PIBF1: variants seen among roughly 807,000 people sequenced by gnomAD.
PIBF1 encodes the protein progesterone immunomodulatory binding factor 1, also known as progesterone-induced-blocking factor 1.
In PIBF1, 90 loss-of-function variants were observed where a neutral mutation model predicts 112.5. The ratio of observed to expected loss-of-function variants is 0.80; its 90% CI spans 0.67 to 0.95. The LOEUF (loss-of-function observed/expected upper bound fraction) is 0.95, where lower values mean the gene tolerates loss of function less well. Ranked by LOEUF, PIBF1 falls within the 40% of genes least tolerant of loss-of-function variation. The pLI is 0.00. For synonymous variants in PIBF1, 301 were observed against 288.6 expected (o/e 1.04, Z -0.44); for missense variants, 915 against 852.3 (o/e 1.07, Z -0.92).
At chr13:72,858,659 C>T (rs1193267265) in intron 10 of PIBF1, among the ~76,000 whole-genome samples, 2 of 152,050 alleles carry the variant, frequency 1.3e-5, no homozygotes, top group Non-Finnish European at 2.9e-5. Flanking sequence ...TAAATATGTA[C>T]CCTCTTTTGT....
At chr13:72,857,433 AAAC>A (rs1659873457) in intron 10 of PIBF1, among the ~76,000 whole-genome samples, 1 of 152,274 alleles carries the variant, frequency 6.6e-6, no homozygotes, top group African/African-American at 2.4e-5. Context: ...GAAAGTCAAA[AAAC>A]AAATGCAAAT....
At chr13:72,844,530 C>G (rs2037746396) in intron 9 of PIBF1, among the ~76,000 whole-genome samples, 1 of 151,884 alleles carries the variant, frequency 6.6e-6, no homozygotes, top group South Asian at 2.1e-4. Flanking sequence ...ATGTTTCCCT[C>G]CCTGTTTCCA....
chr13:72,819,557 A>G (rs1171056389), intron 5 of PIBF1, among the ~76,000 whole-genome samples: 1 of 152,112 alleles, frequency 6.6e-6, no homozygotes. Context: ...TTTGGATTTG[A>G]CAAACTTAGA....
intron 14 of PIBF1, among the ~76,000 whole-genome samples, chr13:72,932,847 A>C (rs1434123086): frequency 6.6e-6 from 1 of 152,234 alleles, no homozygotes; most frequent in Non-Finnish European, 1.5e-5. Flanking sequence ...TAGCCAGCCC[A>C]CAAAATTCCT....
intron 10 of PIBF1, among the ~76,000 whole-genome samples, chr13:72,892,482 G>C (rs1476514238): frequency 2.0e-5 from 3 of 151,994 alleles, no homozygotes; most frequent in Non-Finnish European, 2.9e-5. Flanking sequence ...GCATTTTAAA[G>C]TTTATCTTAC....
intron 13 of PIBF1, among the ~76,000 whole-genome samples, chr13:72,925,793 C>T (rs2138734505): frequency 6.6e-6 from 1 of 152,180 alleles, no homozygotes; most frequent in Admixed American, 6.5e-5. Flanking sequence ...CTGCCCACCT[C>T]AGCCTCCCAA....
chr13:72,957,406 C>A (rs1022996209), intron 14 of PIBF1, among the ~76,000 whole-genome samples: 17 of 152,120 alleles, frequency 1.1e-4, no homozygotes, highest in African/African-American at 4.1e-4. Context: ...AGTGAAGTAA[C>A]TCAGGAATGG....
At chr13:73,010,201 G>C (rs2044150415) in intron 17 of PIBF1, among the ~76,000 whole-genome samples, 1 of 149,436 alleles carries the variant, frequency 6.7e-6, no homozygotes, top group Non-Finnish European at 1.5e-5. Context: ...CCCCCACTAT[G>C]GCCAATACTC....
chr13:72,982,334 G>A (rs951501192), intron 16 of PIBF1, among the ~76,000 whole-genome samples: 3 of 152,144 alleles, frequency 2.0e-5, no homozygotes, highest in African/African-American at 7.2e-5. Flanking sequence ...TTCTCAGGAA[G>A]CTGAGGTGAG....
chr13:72,882,877 T>G (rs2039698737), intron 10 of PIBF1, among the ~76,000 whole-genome samples: 1 of 152,234 alleles, frequency 6.6e-6, no homozygotes, highest in Non-Finnish European at 1.5e-5. Context: ...GAGAACAGTT[T>G]GGAGGTTCCT....
chr13:72,942,278 A>AC (rs1455576871), intron 14 of PIBF1, among the ~76,000 whole-genome samples: 10 of 151,994 alleles, frequency 6.6e-5, no homozygotes, highest in Admixed American at 5.2e-4. Flanking sequence ...AAAAAAAAAA[A>AC]AAAAACCCAC....
At chr13:72,790,447 A>ACACG in intron 2 of PIBF1, among the ~76,000 whole-genome samples, 1 of 151,350 alleles carries the variant, frequency 6.6e-6, no homozygotes, top group East Asian at 1.9e-4. Context: ...ACACACACAC[A>ACACG]CACACACACA....
At chr13:72,880,658 A>G (rs964260569) in intron 10 of PIBF1, among the ~76,000 whole-genome samples, 1 of 152,232 alleles carries the variant, frequency 6.6e-6, no homozygotes, top group Admixed American at 6.5e-5. Context: ...GTGAATATTT[A>G]ACCCTCTGAA....
chr13:72,849,471 A>G (rs2038031167), intron 9 of PIBF1, among the ~76,000 whole-genome samples: 1 of 152,218 alleles, frequency 6.6e-6, no homozygotes, highest in Non-Finnish European at 1.5e-5. Context: ...AATGCATTTA[A>G]CATTTGAAAT....
chr13:72,912,532 TGG>T (rs1029373619), intron 12 of PIBF1, among the ~76,000 whole-genome samples: 16 of 152,212 alleles, frequency 1.1e-4, no homozygotes, highest in Admixed American at 1.3e-4. Flanking sequence ...TACCAAATGT[TGG>T]TGAGAAGTGG....
chr13:72,956,495 C>T (rs1434737093), intron 14 of PIBF1, among the ~76,000 whole-genome samples: 2 of 152,188 alleles, frequency 1.3e-5, no homozygotes, highest in Non-Finnish European at 2.9e-5. Context: ...ACACTCTCCT[C>T]AGTGGTCATT....
chr13:72,875,238 C>T (rs1465526815), intron 10 of PIBF1, among the ~76,000 whole-genome samples: 1 of 152,124 alleles, frequency 6.6e-6, no homozygotes, highest in South Asian at 2.1e-4. Context: ...GACTTCATAG[C>T]TCATATCTTT....
At chr13:72,799,426 C>A (rs1345906871) in intron 5 of PIBF1, among the ~76,000 whole-genome samples, 1 of 152,194 alleles carries the variant, frequency 6.6e-6, no homozygotes, top group African/African-American at 2.4e-5. Context: ...GCTTCCTCTC[C>A]TCTGAGGAGC....
At chr13:72,996,073 CAAAAAA>C (rs1303404430) in intron 16 of PIBF1, among the ~76,000 whole-genome samples, 1 of 27,390 alleles carries the variant, frequency 3.7e-5, no homozygotes, top group Non-Finnish European at 7.2e-5. Flanking sequence ...TTCTTCATAA[CAAAAAA>C]AAAAAAGCGG....
Sources: allele counts gnomAD v4.1 joint callset (sites outside exome capture counted in the v4.1 genomes callset), GRCh38; gene constraint gnomAD v4.1.1; transcripts MANE v1.5; gene names NCBI Gene and HGNC (gene_info 2026-07-23, HGNC 2026-07-21).